Variants in KCNQ5 observed in about 807,000 individuals in gnomAD.
KCNQ5 encodes potassium voltage-gated channel subfamily Q member 5.
KCNQ5 carries 30 observed loss-of-function variants against 98.2 expected under a neutral mutation model. The ratio of observed to expected loss-of-function variants is 0.31; its 90% CI spans 0.23 to 0.41. The LOEUF is 0.41. Among genes scored for constraint, KCNQ5 ranks in the 10% least tolerant of loss-of-function variants. The probability of loss-of-function intolerance (pLI) is 1.00; values close to 1 mark genes in which losing one functional copy is unlikely to be tolerated. For missense variants in KCNQ5, 835 were observed against 1,182.5 expected (o/e 0.71, Z 4.31); for synonymous variants, 458 against 449.4 (o/e 1.02, Z -0.24).
intron 10 of KCNQ5, among the ~76,000 whole-genome samples, chr6:73,165,263 G>A (rs1007818872): frequency 6.6e-6 from 1 of 152,138 alleles, no homozygotes; most frequent in African/African-American, 2.4e-5. Context: ...AGGATTAAAG[G>A]AATGAACCAC....
intron 1 of KCNQ5, among the ~76,000 whole-genome samples, chr6:72,814,867 A>G (rs1385179091): frequency 6.6e-6 from 1 of 152,224 alleles, no homozygotes; most frequent in Non-Finnish European, 1.5e-5. Context: ...TTTAAGTAGG[A>G]GACAATTTGT....
At chr6:73,137,067 A>AAT (rs887719806) in intron 10 of KCNQ5, among the ~76,000 whole-genome samples, 54 of 152,242 alleles carry the variant, frequency 3.5e-4, no homozygotes, top group African/African-American at 1.1e-3. Flanking sequence ...ATATTTGGAA[A>AAT]ATAATAGACT....
intron 7 of KCNQ5, among the ~76,000 whole-genome samples, chr6:73,112,497 C>T (rs1395406084): frequency 1.6e-4 from 24 of 152,198 alleles, no homozygotes; most frequent in African/African-American, 5.3e-4. Context: ...AGGCACCCGC[C>T]ACCGCGCCCG....
chr6:72,699,544 A>T (rs1768688652), intron 1 of KCNQ5, among the ~76,000 whole-genome samples: 1 of 152,208 alleles, frequency 6.6e-6, no homozygotes, highest in Non-Finnish European at 1.5e-5. Flanking sequence ...TTGGCTGCTT[A>T]TATCAAGTTA....
At chr6:72,849,688 A>G (rs957152891) in intron 1 of KCNQ5, among the ~76,000 whole-genome samples, 15 of 152,302 alleles carry the variant, frequency 9.8e-5, no homozygotes, top group South Asian at 2.1e-4. Context: ...CAATGTATCA[A>G]TGTTTCTTTC....
At chr6:73,146,454 A>G (rs538586628) in intron 10 of KCNQ5, among the ~76,000 whole-genome samples, 19 of 152,018 alleles carry the variant, frequency 1.2e-4, no homozygotes, top group African/African-American at 4.6e-4. Context: ...GCAAAACCCC[A>G]TCTCTACAAA....
chr6:72,922,074 G>A (rs1780424050), intron 1 of KCNQ5, among the ~76,000 whole-genome samples: 2 of 152,098 alleles, frequency 1.3e-5, no homozygotes, highest in African/African-American at 2.4e-5. Flanking sequence ...TCACTCAAAC[G>A]ATATCAGAGG....
At chr6:72,960,883 TG>T (rs1767308464) in intron 1 of KCNQ5, among the ~76,000 whole-genome samples, 1 of 152,132 alleles carries the variant, frequency 6.6e-6, no homozygotes, top group Non-Finnish European at 1.5e-5. Flanking sequence ...ACTTCAGAGG[TG>T]GGAGGATCAT....
At chr6:72,962,957 T>A (rs1767443747) in intron 1 of KCNQ5, among the ~76,000 whole-genome samples, 1 of 152,206 alleles carries the variant, frequency 6.6e-6, no homozygotes, top group Non-Finnish European at 1.5e-5. Flanking sequence ...TCTAAATTAA[T>A]GAGATTTATA....
At chr6:72,676,659 T>C (rs1287321896) in intron 1 of KCNQ5, among the ~76,000 whole-genome samples, 1 of 151,012 alleles carries the variant, frequency 6.6e-6, no homozygotes, top group African/African-American at 2.4e-5. Context: ...ACATTGCTTT[T>C]TAAAAATGCT....
At chr6:72,862,483 G>A (rs957462100) in intron 1 of KCNQ5, among the ~76,000 whole-genome samples, 2 of 152,062 alleles carry the variant, frequency 1.3e-5, no homozygotes, top group Non-Finnish European at 2.9e-5. Flanking sequence ...AAATCCCTCA[G>A]TAAGTTGCTT....
chr6:73,186,059 T>C (rs1418631903), intron 11 of KCNQ5, among the ~76,000 whole-genome samples: 4 of 151,938 alleles, frequency 2.6e-5, no homozygotes, highest in Non-Finnish European at 5.9e-5. Context: ...ACCCCCCCTA[T>C]CTCTGCAAAA....
At chr6:72,946,861 T>C (rs566289106) in intron 1 of KCNQ5, among the ~76,000 whole-genome samples, 1 of 152,332 alleles carries the variant, frequency 6.6e-6, no homozygotes, top group East Asian at 1.9e-4. Context: ...CTTTCTCTTT[T>C]TCCTCCTATG....
intron 3 of KCNQ5, among the ~76,000 whole-genome samples, chr6:73,052,444 C>T (rs1772287212): frequency 6.6e-6 from 1 of 152,158 alleles, no homozygotes; most frequent in Non-Finnish European, 1.5e-5. Flanking sequence ...TTGTCAGATT[C>T]TCTAAGGTCA....
chr6:73,098,237 A>G (rs1311042631), intron 5 of KCNQ5, among the ~76,000 whole-genome samples: 2 of 152,254 alleles, frequency 1.3e-5, no homozygotes, highest in East Asian at 1.9e-4. Flanking sequence ...CAGCAGAGAC[A>G]AAAGATAAAA....
intron 1 of KCNQ5, among the ~76,000 whole-genome samples, chr6:72,823,634 C>G (rs1171315180): frequency 6.6e-6 from 1 of 152,144 alleles, no homozygotes; most frequent in Non-Finnish European, 1.5e-5. Flanking sequence ...CTGGGGCTCA[C>G]TCGGGTTCCT....
At chr6:73,073,508 G>T (rs559245936) in intron 3 of KCNQ5, among the ~76,000 whole-genome samples, 39 of 152,268 alleles carry the variant, frequency 2.6e-4, no homozygotes, top group African/African-American at 8.9e-4. Context: ...TCCAGACATT[G>T]CTAAATGTCC....
chr6:72,768,991 A>G (rs893735791), intron 1 of KCNQ5, among the ~76,000 whole-genome samples: 6 of 152,064 alleles, frequency 3.9e-5, no homozygotes, highest in Non-Finnish European at 7.4e-5. Flanking sequence ...TCATATGGAA[A>G]AATAGCCACT....
intron 7 of KCNQ5, among the ~76,000 whole-genome samples, chr6:73,117,285 T>C (rs770768224): frequency 2.0e-5 from 3 of 152,218 alleles, no homozygotes; most frequent in Non-Finnish European, 4.4e-5. Context: ...AATAAAGTTA[T>C]TAGAGTGTAA....
Sources: gnomAD v4.1 joint callset for allele counts (sites outside exome capture counted in the v4.1 genomes callset) on GRCh38, gnomAD v4.1.1 for gene constraint, MANE v1.5 for transcripts, NCBI Gene and HGNC (gene_info 2026-07-23, HGNC 2026-07-21) for gene names.